The following CNRIP1 variants were observed in gnomAD, a reference collection of about 807,000 sequenced individuals.
CNRIP1 encodes CB1 cannabinoid receptor-interacting protein 1.
Under a neutral mutation model 15.2 loss-of-function variants are expected in CNRIP1, and 10 were observed. That is an observed-to-expected ratio of 0.66 (90% confidence interval 0.41 to 1.12). CNRIP1 has a LOEUF of 1.12. Ranked by LOEUF, CNRIP1 falls within the 50% of genes most tolerant of loss-of-function variation. CNRIP1 has a pLI of 0.00. For synonymous variants in CNRIP1, 91 were observed against 83.2 expected, an observed-to-expected ratio of 1.09 and a Z score of -0.51; for missense variants, 211 against 214.7, an observed-to-expected ratio of 0.98 and a Z score of 0.11.
At chr2:68,314,123 T>G (rs1385062055) in intron 2 of CNRIP1, among the ~76,000 whole-genome samples, 1 of 152,078 alleles carries the variant, frequency 6.6e-6, no homozygotes, top group Non-Finnish European at 1.5e-5. Flanking sequence ...TTGCTATACT[T>G]TTCATATTAG....
chr2:68,319,111 G>A (rs1336951391), intron 1 of CNRIP1, 111 bp downstream of exon 1: 14 of 1,153,574 alleles, frequency 1.2e-5, no homozygotes, highest in East Asian at 2.9e-5. Flanking sequence ...GGGCCCGCTG[G>A]GAGCGGCGCG....
chr2:68,284,940 T>C (rs900064656), intron 2 of CNRIP1, among the ~76,000 whole-genome samples: 1 of 152,180 alleles, frequency 6.6e-6, no homozygotes, highest in East Asian at 1.9e-4. Flanking sequence ...AAATCCCATA[T>C]GTTTGTTTTG....
intron 2 of CNRIP1, among the ~76,000 whole-genome samples, chr2:68,301,893 CAAAAAAAAA>C (rs61613452): frequency 1.2e-4 from 9 of 74,314 alleles, no homozygotes; most frequent in South Asian, 6.2e-4. Context: ...GTCTCCGTCT[CAAAAAAAAA>C]AAAAAAAAAA....
At chr2:68,304,315 T>C (rs983603407) in intron 2 of CNRIP1, among the ~76,000 whole-genome samples, 2 of 151,278 alleles carry the variant, frequency 1.3e-5, no homozygotes, top group African/African-American at 2.4e-5. Context: ...GCAGGGAGAA[T>C]TGCTTGAACC....
At chr2:68,307,627 C>T (rs1671905711) in intron 2 of CNRIP1, among the ~76,000 whole-genome samples, 1 of 152,130 alleles carries the variant, frequency 6.6e-6, no homozygotes, top group Non-Finnish European at 1.5e-5. Flanking sequence ...TGCCTGGCCT[C>T]ATTGTTCCAA....
intron 2 of CNRIP1, among the ~76,000 whole-genome samples, chr2:68,310,912 T>C (rs926650634): frequency 5.9e-5 from 9 of 152,074 alleles, no homozygotes; most frequent in Non-Finnish European, 1.0e-4. Context: ...AAAAATGTTA[T>C]AGAATTTAGA....
chr2:68,297,567 CAA>C (rs112601365), intron 2 of CNRIP1, among the ~76,000 whole-genome samples: 1,009 of 97,278 alleles, frequency 0.01, no homozygotes, highest in African/African-American at 0.023. Context: ...GACACTGTCT[CAA>C]AAAAAAAAAA....
At chr2:68,302,845 C>CT (rs1214086385) in intron 2 of CNRIP1, among the ~76,000 whole-genome samples, 6,418 of 126,222 alleles carry the variant, frequency 0.051, 232 homozygotes, top group African/African-American at 0.11. Flanking sequence ...ATTTGAAAAA[C>CT]TTTTTTTTTT....
chr2:68,319,147 G>A, intron 1 of CNRIP1, 75 bp downstream of exon 1: 2 of 1,402,608 alleles, frequency 1.4e-6, no homozygotes, highest in Non-Finnish European at 1.9e-6. Flanking sequence ...GAGAGGCTCG[G>A]GCTGTCCTGG....
chr2:68,316,875 G>C lies in CNRIP1; in HGVS notation c.330+282C>G, dbSNP rs140393819. The C allele has an allele frequency of 8.9e-4, 534 of 599,500 alleles. 1 individual carries two copies. Among genetic ancestry groups the C allele is most frequent in the Non-Finnish European group, 1.4e-3 (463 of 337,024 alleles). 37.1% of individuals were successfully genotyped at this position (599,500 alleles called of 1,614,324 possible). A position where few individuals can be genotyped will look rare whatever the true frequency, so the allele number is the denominator to read the frequency against. ...AATTATCTAAACCAGTTCTGAAGTA[G>C]ACTATAACTGGGAAAATGGCAATGT... On this transcript the variant is annotated intron_variant, in intron 2 of 2. Coordinates refer to ENST00000263655, the MANE Select transcript of CNRIP1 (RefSeq NM_015463.3).
At chr2:68,310,135 G>A (rs1011589352) in intron 2 of CNRIP1, among the ~76,000 whole-genome samples, 3 of 151,994 alleles carry the variant, frequency 2.0e-5, no homozygotes, top group South Asian at 4.1e-4. Flanking sequence ...CGAGACCAGC[G>A]TGGCCAACAT....
chr2:68,295,598 C>T (rs917684638), intron 2 of CNRIP1, among the ~76,000 whole-genome samples: 1 of 152,162 alleles, frequency 6.6e-6, no homozygotes, highest in African/African-American at 2.4e-5. Context: ...CAAGCAGCAA[C>T]AGGGATGGAT....
chr2:68,299,558 T>C (rs1671525180), intron 2 of CNRIP1, among the ~76,000 whole-genome samples: 1 of 152,228 alleles, frequency 6.6e-6, no homozygotes, highest in Admixed American at 6.5e-5. Flanking sequence ...ATGTTTGGTC[T>C]TCCCAGCTTC....
At chr2:68,286,355 C>T (rs1822468) in intron 2 of CNRIP1, among the ~76,000 whole-genome samples, 22,440 of 151,774 alleles carry the variant, frequency 0.15, 1,768 homozygotes, top group Middle Eastern at 0.28. Context: ...CTCATATACA[C>T]ATTATATAGA....
intron 1 of CNRIP1, among the ~76,000 whole-genome samples, chr2:68,318,194 T>A (rs1478020958): frequency 6.6e-6 from 1 of 151,880 alleles, no homozygotes; most frequent in Non-Finnish European, 1.5e-5. Flanking sequence ...CCAGAAACCA[T>A]CCAGATTTGG....
intron 2 of CNRIP1, among the ~76,000 whole-genome samples, chr2:68,299,721 A>T (rs1671535611): frequency 6.6e-6 from 1 of 152,212 alleles, no homozygotes; most frequent in African/African-American, 2.4e-5. Context: ...TTACTTCACA[A>T]CTAATGTGGA....
intron 2 of CNRIP1, among the ~76,000 whole-genome samples, chr2:68,311,448 A>C (rs1672070923): frequency 6.6e-6 from 1 of 152,168 alleles, no homozygotes; most frequent in Non-Finnish European, 1.5e-5. Flanking sequence ...GACTAATCAG[A>C]GGGTATAAAA....
intron 2 of CNRIP1, among the ~76,000 whole-genome samples, chr2:68,313,556 A>G (rs1164667435): frequency 6.6e-6 from 1 of 152,158 alleles, no homozygotes; most frequent in East Asian, 1.9e-4. Flanking sequence ...ACTAAGTGAA[A>G]GAAGTCAAAC....
chr2:68,306,582 A>T (rs1573027224), intron 2 of CNRIP1, among the ~76,000 whole-genome samples: 1 of 152,052 alleles, frequency 6.6e-6, no homozygotes. Flanking sequence ...GGAGTTTGAG[A>T]CCAGCCTGTC....
Sources: allele counts gnomAD v4.1 joint callset (sites outside exome capture counted in the v4.1 genomes callset), GRCh38; gene constraint gnomAD v4.1.1; transcripts MANE v1.5; gene names NCBI Gene and HGNC (gene_info 2026-07-23, HGNC 2026-07-21).